Variants in ESPN observed in about 807,000 individuals in gnomAD.
The protein encoded by ESPN is autosomal recessive deafness type 36 protein.
In ESPN, 68 loss-of-function variants were observed where a neutral mutation model predicts 77.7. The ratio of observed to expected loss-of-function variants is 0.87; its 90% CI spans 0.72 to 1.07. The LOEUF (loss-of-function observed/expected upper bound fraction) is 1.07. Ranked by LOEUF, ESPN falls within the 50% of genes least tolerant of loss-of-function variation. The pLI, the probability that ESPN is intolerant of heterozygous loss-of-function variation, is 0.00. For synonymous variants in ESPN, 449 were observed against 567.1 expected (o/e 0.79, Z 2.96); for missense variants, 1,060 against 1,239.0 (o/e 0.86, Z 2.17).
intron 6 of ESPN, among the ~76,000 whole-genome samples, chr1:6,444,933 C>T (rs1363847051): frequency 2.0e-5 from 3 of 152,200 alleles, no homozygotes; most frequent in Non-Finnish European, 4.4e-5. Flanking sequence ...ACGTGTGTCG[C>T]CCACCATTCA....
At chr1:6,443,427 G>A (rs1643718552) in intron 5 of ESPN, among the ~76,000 whole-genome samples, 2 of 152,232 alleles carry the variant, frequency 1.3e-5, no homozygotes, top group Non-Finnish European at 2.9e-5. Flanking sequence ...CTGCCTACAG[G>A]GGTCAGGGCT....
chr1:6,454,867 CCGGGCCGCT>C (rs1644020591), intron 10 of ESPN: 1 of 391,130 alleles, frequency 2.6e-6, no homozygotes, highest in Non-Finnish European at 4.5e-6. Context: ...CCCTGGCTGC[CCGGGCCGCT>C]CTGCCTGGGT....
chr1:6,425,833 ACTC>A (rs1368314238), intron 1 of ESPN, among the ~76,000 whole-genome samples: 1 of 152,192 alleles, frequency 6.6e-6, no homozygotes, highest in Non-Finnish European at 1.5e-5. Flanking sequence ...CCACCTGGTC[ACTC>A]TGAGCAGTGA....
chr1:6,442,218 G>A (rs1372610918), intron 5 of ESPN, among the ~76,000 whole-genome samples: 1 of 152,178 alleles, frequency 6.6e-6, no homozygotes, highest in Non-Finnish European at 1.5e-5. Context: ...TTCTGACTTA[G>A]GCAGGCACCC....
rs916668773 is a variant in ESPN at position 6,449,055 on chromosome 1, G to A, written c.1879G>A (p.Gly627Ser). ...PPLPLESAGP[G>S]CGQRRSSSST... is the part of the protein sequence containing the mutation. Reference sequence around the variant, plus strand: ...TCTGCCCCTCGAGAGCGCTGGCCCTGGCTGCGGGCAGCGCCGCTCCTCCTC... The same window carrying A: ...TCTGCCCCTCGAGAGCGCTGGCCCTAGCTGCGGGCAGCGCCGCTCCTCCTC... The change falls in exon 8 of 13, where the codon GGC (glycine) becomes AGC (serine). Residue 627 changes from glycine to serine, a missense_variant. Physicochemically the swap from Gly to Ser is moderately conservative, Grantham distance 56. Transcript: ENST00000645284. 4.6e-5 allele frequency: 69 copies of A among 1,484,644 alleles called. No homozygotes were observed. Among genetic ancestry groups the A allele is most frequent in the Non-Finnish European group, 6.0e-5 (67 of 1,124,844 alleles). 92.0% of individuals were successfully genotyped at this position (1,484,644 alleles called of 1,614,324 possible).
chr1:6,429,620 ATGGCCCAAGTG>A (rs984876617), intron 2 of ESPN, among the ~76,000 whole-genome samples: 12 of 152,188 alleles, frequency 7.9e-5, no homozygotes, highest in African/African-American at 2.9e-4. Context: ...CGGGACCAAT[ATGGCCCAAGTG>A]TGAACTGGAG....
At chr1:6,456,805 G>A (rs1438105986) in intron 10 of ESPN, 1 of 353,218 alleles carries the variant, frequency 2.8e-6, no homozygotes, top group African/African-American at 2.1e-5. Flanking sequence ...GGCAGCCTGA[G>A]TCTCCCTGAG....
chr1:6,459,128 C>A lies in ESPN; in HGVS notation c.2418-871C>A, dbSNP rs546770191. 3.9e-5 allele frequency among the ~76,000 whole-genome samples: 6 copies of A among 152,146 alleles called. No individual in the cohort carries two copies. The East Asian group carries it at 1.2e-3, about 29-fold the overall frequency. On this transcript the variant is annotated intron_variant, in intron 12 of 12. Coordinates refer to ENST00000645284, the MANE Select transcript of ESPN (RefSeq NM_031475.3). ...TGGTGGCACGCTCCTGTAATCCCAG[C>A]TACTCAGAAGGCTGAGGCAGGAAAA...
rs755165994 is a variant in ESPN at position 6,448,698 on chromosome 1, C to A, written c.1522C>A (p.Arg508Ser). 1.6e-5 allele frequency: 24 copies of A among 1,541,452 alleles called. No individual in the cohort carries two copies. Among genetic ancestry groups the A allele is most frequent in the Non-Finnish European group, 2.1e-5 (24 of 1,154,484 alleles). Residue 508 changes from arginine to serine, a missense_variant, in exon 8 of 13, where the codon CGC (arginine) becomes AGC (serine). Around this residue, in one of 3 missense-constraint regions of ESPN, gnomAD observed 130 missense variants for 223.9 expected, o/e 0.58. Coordinates refer to ENST00000645284, the MANE Select transcript of ESPN (RefSeq NM_031475.3). ...GAGGCAGGACTCCAGCCGCAAGCCC[C>A]GCGCCTTCAGCAAGCAGCCCAGCAC... ...LRRQDSSRKP[R>S]AFSKQPSTGD...
Position 6,425,111 on chromosome 1 carries a change from G to A in ESPN, c.156G>A (p.Leu52=). 1.3e-6 allele frequency: 2 copies of A among 1,508,474 alleles called. No homozygotes were observed. The highest frequency in any genetic ancestry group is 8.8e-7 in the Non-Finnish European group (1 of 1,136,584). The allele number at this position is 1,508,474 out of a possible 1,614,324, so 93.4% of individuals were successfully genotyped here. Reference sequence around the variant, plus strand: ...CCCGCGCTGGGAAGCTGCACTGTCTGCGCTTCCTGGTGGAGGAAGCCGCCC... The same window carrying A: ...CCCGCGCTGGGAAGCTGCACTGTCTACGCTTCCTGGTGGAGGAAGCCGCCC... ...HAARAGKLHC[L]RFLVEEAALP... is the part of the protein sequence containing the mutation. The change falls in exon 1 of 13, where the codon CTG becomes CTA. Residue 52 remains leucine, a synonymous_variant. Coordinates refer to ENST00000645284, the MANE Select transcript of ESPN (RefSeq NM_031475.3).
chr1:6,457,635 T>C (rs1384911788), intron 12 of ESPN, among the ~76,000 whole-genome samples: 1 of 152,196 alleles, frequency 6.6e-6, no homozygotes, highest in Admixed American at 6.5e-5. Context: ...CTTGATTGTC[T>C]GGCCCTCAGA....
At chr1:6,436,725 T>G (rs1643452440) in intron 2 of ESPN, among the ~76,000 whole-genome samples, 1 of 152,136 alleles carries the variant, frequency 6.6e-6, no homozygotes. Flanking sequence ...CAGGCTGGTC[T>G]CGAACTCCTA....
chr1:6,452,977 C>T (rs1643978649), intron 10 of ESPN, among the ~76,000 whole-genome samples: 1 of 152,054 alleles, frequency 6.6e-6, no homozygotes. Flanking sequence ...ACTGCAACCT[C>T]CACCTCCTGG....
intron 6 of ESPN, 80 bp from the exon 7 acceptor site, chr1:6,445,584 C>T (rs1295646982): frequency 1.3e-6 from 2 of 1,515,752 alleles, no homozygotes. Flanking sequence ...CAAGTTGTTT[C>T]CAGGTGGTGG....
chr1:6,425,189 C>T lies in ESPN; in HGVS notation c.234C>T (p.Ser78=), dbSNP rs1189189463. The part of the protein sequence containing the change: ...RNGATPAHDA[S]ATGHLACLQW... ...GCGCCACACCGGCCCACGACGCCTC[C>T]GCCACCGGCCACCTCGCCTGCCTGC... Residue 78 remains serine (S), a synonymous_variant, in exon 1 of 13, where the codon TCC becomes TCT. Coordinates refer to ENST00000645284, the MANE Select transcript of ESPN (RefSeq NM_031475.3). The T allele has an allele frequency of 6.5e-6, 10 of 1,540,540 alleles. No homozygotes were observed. Among genetic ancestry groups the T allele is most frequent in the East Asian group, 4.9e-5 (2 of 41,178 alleles).
chr1:6,444,705 C>T (rs759349353), intron 6 of ESPN, 23 bp downstream of exon 6: 15 of 1,613,416 alleles, frequency 9.3e-6, no homozygotes, highest in African/African-American at 4.0e-5. Flanking sequence ...AGGAGGAAGA[C>T]GGGGAGGGAG....
rs1643927694 is a variant in ESPN at position 6,450,617 on chromosome 1, G to C, written c.1916-986G>C. 2 of 216,184 alleles carry C rather than the reference G, an allele frequency of 9.3e-6. No individual in the cohort carries two copies. Among genetic ancestry groups the C allele is most frequent in the African/African-American group, 4.7e-5 (2 of 42,250 alleles). 13.4% of individuals were successfully genotyped at this position (216,184 alleles called of 1,614,324 possible). A position where few individuals can be genotyped will look rare whatever the true frequency, so the allele number is the denominator to read the frequency against. On this transcript the variant is annotated intron_variant, in intron 8 of 12. Transcript: ENST00000645284. This position sits in a 1 kb window ranked among gnomAD's most constrained non-coding sequence, Gnocchi z 4.3. ...CGAGAGAACCTCGAAGAATGGGTGG[G>C]GCCTTGCACCTCATACCTACCCTCA...
intron 2 of ESPN, among the ~76,000 whole-genome samples, chr1:6,436,076 G>A (rs115531173): frequency 0.017 from 2,645 of 152,310 alleles, 31 homozygotes; most frequent in Non-Finnish European, 0.027. Flanking sequence ...GGCAAAGAGT[G>A]TTCCTGAGTT....
Position 6,450,657 on chromosome 1 carries a change from C to G in ESPN, c.1916-946C>G, listed in dbSNP as rs1393273997. Among the ~76,000 whole-genome samples the G allele has an allele frequency of 6.6e-6, 1 of 152,104 alleles. No individual in the cohort carries two copies. The highest frequency in any genetic ancestry group is 2.4e-5 in the African/African-American group (1 of 41,402). On this transcript the variant is annotated intron_variant, in intron 8 of 12. Transcript: ENST00000645284. The surrounding 1 kb of genome is among the most constrained non-coding windows in gnomAD (Gnocchi z 4.3). ...ACCTACCCTCATACCCACATATGCACCCAAGCATTCTGCACCTGGCTGATG... is the reference window on the plus strand; with the variant it reads ...ACCTACCCTCATACCCACATATGCAGCCAAGCATTCTGCACCTGGCTGATG...
Sources: allele counts gnomAD v4.1 joint callset (sites outside exome capture counted in the v4.1 genomes callset), GRCh38; gene constraint gnomAD v4.1.1; regional missense constraint gnomAD v4.1.1; non-coding constraint Gnocchi (gnomAD v3.1); transcripts MANE v1.5; gene names NCBI Gene and HGNC (gene_info 2026-07-23, HGNC 2026-07-21).